RAP1GAP2: variants seen among roughly 807,000 people sequenced by gnomAD.
RAP1GAP2 encodes rap1 GTPase-activating protein 2.
A neutral mutation model predicts 95.0 loss-of-function variants in RAP1GAP2; 27 were observed. That is an observed-to-expected ratio of 0.28 (90% CI 0.21 to 0.39). The LOEUF is 0.39. Among genes scored for constraint, RAP1GAP2 ranks in the 10% least tolerant of loss-of-function variants. The pLI is 1.00. For synonymous variants in RAP1GAP2, 373 were observed against 380.9 expected (o/e 0.98, Z 0.24); for missense variants, 771 against 970.0 (o/e 0.79, Z 2.72).
intron 3 of RAP1GAP2, among the ~76,000 whole-genome samples, chr17:2,918,502 T>A: frequency 6.6e-6 from 1 of 150,962 alleles, no homozygotes; most frequent in East Asian, 2.0e-4. Flanking sequence ...GGCAGCAGGA[T>A]GCTGACATCT....
In RAP1GAP2 at chr17:3,033,011, G is replaced by A. The variant is rs1234411663; in HGVS notation, c.*31-381G>A. 1.3e-5 allele frequency: 2 copies of A among 158,896 alleles called. No individual in the cohort carries two copies. Among genetic ancestry groups the A allele is most frequent in the African/African-American group, 4.8e-5 (2 of 41,566 alleles). The allele number at this position is 158,896 out of a possible 1,614,324, so 9.8% of individuals were successfully genotyped here. ...TGGGGAAGTCACCAGAGACCCATCT[G>A]AGCTCCCAGCCCTCTCCCCACATGG... On this transcript the variant is annotated intron_variant, in intron 24 of 24. Transcript: ENST00000254695. The surrounding 1 kb of genome is among the most constrained non-coding windows in gnomAD (Gnocchi z 4.9).
Position 2,939,851 on chromosome 17 carries a change from C to T in RAP1GAP2, c.166-17908C>T, listed in dbSNP as rs965136447. ...ATCAGCCCTGGGTTCCCCAGAAAAA[C>T]GCCCGCGGCAGAGGACAGGTCAAAG... On this transcript the variant is annotated intron_variant, in intron 3 of 24. Transcript: ENST00000254695. Among the ~76,000 whole-genome samples the T allele has an allele frequency of 1.0e-3, 152 of 152,372 alleles. 1 individual carries two copies. The highest frequency in any genetic ancestry group is 3.3e-3 in the African/African-American group (137 of 41,594).
intron 3 of RAP1GAP2, among the ~76,000 whole-genome samples, chr17:2,947,933 C>A (rs1464618730): frequency 6.6e-6 from 1 of 152,158 alleles, no homozygotes; most frequent in Non-Finnish European, 1.5e-5. Context: ...CCCGCATCTC[C>A]CCCCGATTTT....
At chr17:2,898,567 C>T (rs1353376817) in intron 2 of RAP1GAP2, among the ~76,000 whole-genome samples, 4 of 152,184 alleles carry the variant, frequency 2.6e-5, no homozygotes, top group Admixed American at 6.6e-5. Flanking sequence ...CGGGGCCTGG[C>T]GGTTCCCACA....
chr17:2,794,470 A>G (rs1328711954), upstream of RAP1GAP2, among the ~76,000 whole-genome samples: 1 of 152,156 alleles, frequency 6.6e-6, no homozygotes, highest in Non-Finnish European at 1.5e-5. Context: ...TGCAGTGGCC[A>G]TCCTGTGGGA....
At chr17:3,007,492 G>A (rs977846900) in intron 16 of RAP1GAP2, among the ~76,000 whole-genome samples, 2 of 152,326 alleles carry the variant, frequency 1.3e-5, no homozygotes, top group Admixed American at 6.5e-5. Context: ...TAAGTGTTGT[G>A]GGACGTGGGA....
At chr17:2,911,572 G>A (rs1378663471) in intron 3 of RAP1GAP2, among the ~76,000 whole-genome samples, 1 of 151,866 alleles carries the variant, frequency 6.6e-6, no homozygotes, top group Non-Finnish European at 1.5e-5. Context: ...AGAGCCTGCC[G>A]TCTACAGGGG....
intron 4 of RAP1GAP2, among the ~76,000 whole-genome samples, chr17:2,961,254 C>T (rs935487258): frequency 6.7e-6 from 1 of 149,826 alleles, no homozygotes; most frequent in African/African-American, 2.5e-5. Context: ...GTGGCTCACG[C>T]CTATAATCCC....
intron 2 of RAP1GAP2, among the ~76,000 whole-genome samples, chr17:2,861,654 G>T (rs931539122): frequency 1.4e-4 from 21 of 150,868 alleles, no homozygotes; most frequent in South Asian, 2.1e-4. Context: ...TTTTTTTGGG[G>T]GGGGGGACGG....
rs567215562 is a variant in RAP1GAP2, at chr17:2,827,194, C to G, written c.80+26644C>G. On this transcript the variant is annotated intron_variant, in intron 2 of 24. Coordinates refer to ENST00000254695, the MANE Select transcript of RAP1GAP2 (RefSeq NM_015085.5). This position sits in a 1 kb window ranked among gnomAD's most constrained non-coding sequence, Gnocchi z 4.1. ...TGGTGCGTTTGAGGAGCTTGTGGAT[C>G]GTCCCAGGGGTGTGTGTGGTTGGGC... 6.6e-6 allele frequency among the ~76,000 whole-genome samples: 1 copy of G among 152,256 alleles called. No individual in the cohort carries two copies. Among genetic ancestry groups the G allele is most frequent in the African/African-American group, 2.4e-5 (1 of 41,548 alleles).
chr17:2,885,828 C>A lies in RAP1GAP2; in HGVS notation c.81-19456C>A, dbSNP rs569244145. ...GCCTGGCGAGGCCACCCTCATGCCT[C>A]CTGGGGAGAATATCGCCGTGTCTGT... is the stretch of plus-strand genomic sequence containing the variant. On this transcript the variant is annotated intron_variant, in intron 2 of 24. Transcript: ENST00000254695. 2.6e-4 allele frequency among the ~76,000 whole-genome samples: 40 copies of A among 152,378 alleles called. No individual in the cohort carries two copies. In the South Asian group the frequency reaches 8.3e-3, roughly 32 times the overall value.
At chr17:2,879,432 A>G (rs1351236744) in intron 2 of RAP1GAP2, among the ~76,000 whole-genome samples, 2 of 151,898 alleles carry the variant, frequency 1.3e-5, no homozygotes, top group African/African-American at 2.4e-5. Flanking sequence ...CCCTTCTTAC[A>G]TTGAAAGTCC....
At chr17:2,773,692 C>T (rs766565399), upstream of RAP1GAP2, among the ~76,000 whole-genome samples, 1 of 151,794 alleles carries the variant, frequency 6.6e-6, no homozygotes, top group Non-Finnish European at 1.5e-5. Flanking sequence ...TTCATTCATT[C>T]GTTCATTTTA....
At chr17:3,014,860 A>T (rs1597878123) in intron 17 of RAP1GAP2, among the ~76,000 whole-genome samples, 2 of 152,132 alleles carry the variant, frequency 1.3e-5, no homozygotes, top group East Asian at 3.9e-4. Context: ...CCTGGCCGAG[A>T]TGCTGAGATT....
intron 2 of RAP1GAP2, among the ~76,000 whole-genome samples, chr17:2,900,535 A>G (rs562972121): frequency 9.2e-4 from 140 of 151,944 alleles, no homozygotes; most frequent in Admixed American, 2.1e-3. Context: ...TCCCCCTCCC[A>G]GGTTCAAGCG....
intron 1 of RAP1GAP2, among the ~76,000 whole-genome samples, chr17:2,779,180 A>C (rs1194892700): frequency 6.6e-6 from 1 of 152,204 alleles, no homozygotes; most frequent in African/African-American, 2.4e-5. Context: ...AGAGGGCTGG[A>C]AGCAGCACAC....
chr17:2,939,813 G>A (rs139091470), intron 3 of RAP1GAP2, among the ~76,000 whole-genome samples: 238 of 152,352 alleles, frequency 1.6e-3, no homozygotes, highest in African/African-American at 4.9e-3. Context: ...GACGTAAGAC[G>A]TGTGGCACCT....
intron 2 of RAP1GAP2, among the ~76,000 whole-genome samples, chr17:2,874,625 C>CA (rs1215378678): frequency 5.3e-5 from 8 of 152,190 alleles, no homozygotes; most frequent in Admixed American, 5.2e-4. Context: ...CTGAACCAGT[C>CA]AGAGGCCTCA....
intron 3 of RAP1GAP2, among the ~76,000 whole-genome samples, chr17:2,914,706 G>A (rs554819012): frequency 7.9e-5 from 12 of 151,374 alleles, no homozygotes; most frequent in African/African-American, 2.9e-4. Context: ...TAGCCAGGAT[G>A]GTCTCAATCT....
Sources: gnomAD v4.1 joint callset for allele counts (sites outside exome capture counted in the v4.1 genomes callset) on GRCh38, gnomAD v4.1.1 for gene constraint, Gnocchi (gnomAD v3.1) non-coding constraint, MANE v1.5 for transcripts, NCBI Gene and HGNC (gene_info 2026-07-23, HGNC 2026-07-21) for gene names.